Variants in C6 observed in about 807,000 individuals in gnomAD.
The protein encoded by C6 is complement component C6.
Under a neutral mutation model 112.9 loss-of-function variants are expected in C6, and 101 were observed. That is an observed-to-expected ratio of 0.89 (90% CI 0.76 to 1.06). C6 has a LOEUF of 1.06. C6 is among the 50% of genes least tolerant of loss of function. The pLI, the probability that C6 is intolerant of heterozygous loss-of-function variation, is 0.00. For synonymous variants in C6, 431 were observed against 384.1 expected, an observed-to-expected ratio of 1.12 and a Z score of -1.43; for missense variants, 1,202 against 1,104.6, an observed-to-expected ratio of 1.09 and a Z score of -1.25.
chr5:41,214,535 G>T (rs1418192149), upstream of C6, among the ~76,000 whole-genome samples: 1 of 152,104 alleles, frequency 6.6e-6, no homozygotes, highest in East Asian at 1.9e-4. Context: ...AGATTTTAAA[G>T]ATTGAAATTT....
chr5:41,214,227 A>T (rs1428929208), upstream of C6, among the ~76,000 whole-genome samples: 1 of 152,190 alleles, frequency 6.6e-6, no homozygotes, highest in Non-Finnish European at 1.5e-5. Flanking sequence ...ATAAATCACT[A>T]TACCTCATTG....
At chr5:41,203,467 G>A in intron 1 of C6, 3 of 501,326 alleles carry the variant, frequency 6.0e-6, no homozygotes, top group Non-Finnish European at 1.1e-5. Context: ...ACAACCTCCA[G>A]TACTAGTAAG....
intron 12 of C6, 39 bp downstream of exon 12, chr5:41,159,043 G>T: frequency 6.2e-7 from 1 of 1,607,028 alleles, no homozygotes; most frequent in Non-Finnish European, 8.5e-7. Context: ...TTGAGAGTTA[G>T]GGCAAAATGA....
At chr5:41,150,856 A>G in intron 15 of C6, among the ~76,000 whole-genome samples, 1 of 144,634 alleles carries the variant, frequency 6.9e-6, no homozygotes, top group East Asian at 2.0e-4. Flanking sequence ...CACTGCACCC[A>G]GCCTGGGCAA....
chr5:41,167,476 A>T lies in C6; in HGVS notation c.1291+4749T>A, dbSNP rs547872420. 4.1e-4 allele frequency among the ~76,000 whole-genome samples: 63 copies of T among 152,254 alleles called. 1 individual carries two copies. The highest frequency in any genetic ancestry group is 1.4e-3 in the African/African-American group (58 of 41,564). On this transcript the variant is annotated intron_variant, in intron 9 of 17. Coordinates refer to ENST00000337836, the MANE Select transcript of C6 (RefSeq NM_000065.5). ...ATGTGGTAACTAAAATATAGACTTG[A>T]TGGATTCCTTAGTGCAGGCCTAAGA...
chr5:41,150,122 A>G, intron 15 of C6, 97 bp from the exon 16 acceptor site: 1 of 810,794 alleles, frequency 1.2e-6, no homozygotes, highest in Non-Finnish European at 2.2e-6. Flanking sequence ...AAGGATTCAT[A>G]TTTATCTCTT....
At chr5:41,204,094 A>G (rs1398565122) in intron 1 of C6, among the ~76,000 whole-genome samples, 1 of 152,246 alleles carries the variant, frequency 6.6e-6, no homozygotes, top group Non-Finnish European at 1.5e-5. Flanking sequence ...TAATCGTTAT[A>G]TCCCTAATGA....
intron 13 of C6, 120 bp from the exon 14 acceptor site, chr5:41,155,224 TC>T: frequency 1.1e-6 from 1 of 886,096 alleles, no homozygotes; most frequent in South Asian, 1.6e-5. Flanking sequence ...CCAAGTCCTC[TC>T]AATTTCTACT....
chr5:41,239,361 C>T (rs764283071), intron 1 of C6, among the ~76,000 whole-genome samples: 12 of 152,056 alleles, frequency 7.9e-5, no homozygotes, highest in Non-Finnish European at 1.2e-4. Flanking sequence ...ATCCACCTGC[C>T]TCGGCCTCCC....
intron 8 of C6, among the ~76,000 whole-genome samples, chr5:41,173,747 G>A (rs577311828): frequency 1.3e-5 from 2 of 152,242 alleles, no homozygotes; most frequent in African/African-American, 4.8e-5. Flanking sequence ...ATGAGGCTGG[G>A]TAGATGTGAA....
chr5:41,190,047 T>G (rs1750078691), intron 5 of C6, among the ~76,000 whole-genome samples: 1 of 152,226 alleles, frequency 6.6e-6, no homozygotes, highest in African/African-American at 2.4e-5. Context: ...TGTTGGTTAT[T>G]GTGAACAGTG....
chr5:41,172,368 A>G lies in C6; in HGVS notation c.1169-21T>C, dbSNP rs771189189. 12 of 1,612,670 alleles carry G rather than the reference A, an allele frequency of 7.4e-6. No homozygotes were observed. In the South Asian group the frequency reaches 8.8e-5, roughly 12 times the overall value. On this transcript the variant is annotated intron_variant, in intron 8 of 17. Coordinates refer to ENST00000337836, the MANE Select transcript of C6 (RefSeq NM_000065.5). ...TAAACCTAGGAGATGAAGTACAAACAGAAACCACTGAGAATGCACCATTGA... is the reference window on the plus strand; with the variant it reads ...TAAACCTAGGAGATGAAGTACAAACGGAAACCACTGAGAATGCACCATTGA...
chr5:41,230,968 C>A (rs1307262590), intron 1 of C6, among the ~76,000 whole-genome samples: 1 of 152,158 alleles, frequency 6.6e-6, no homozygotes, highest in South Asian at 2.1e-4. Flanking sequence ...ACCACTTTAT[C>A]ATACAATAAA....
chr5:41,143,376 C>T (rs1206714627), intron 17 of C6, among the ~76,000 whole-genome samples: 2 of 152,200 alleles, frequency 1.3e-5, no homozygotes, highest in African/African-American at 4.8e-5. Context: ...CTCCCTTTTA[C>T]TCACTGCCTA....
chr5:41,181,636 GATTT>G, intron 6 of C6, 77 bp from the exon 7 acceptor site: 11 of 1,202,554 alleles, frequency 9.1e-6, no homozygotes, highest in Non-Finnish European at 1.3e-5. Context: ...ATGAAATGAT[GATTT>G]ATTTATTTAT....
chr5:41,181,703 T>A (rs2150323903), intron 6 of C6, 144 bp from the exon 7 acceptor site: 1 of 722,420 alleles, frequency 1.4e-6, no homozygotes, highest in East Asian at 2.7e-5. Context: ...CAAAGAATAG[T>A]GTTATTTCCT....
intron 9 of C6, among the ~76,000 whole-genome samples, chr5:41,165,612 T>G (rs1342849647): frequency 6.6e-6 from 1 of 152,160 alleles, no homozygotes; most frequent in African/African-American, 2.4e-5. Flanking sequence ...CAACTACAAT[T>G]TTCCTATATT....
intron 1 of C6, among the ~76,000 whole-genome samples, chr5:41,220,610 C>T (rs1739106655): frequency 6.6e-6 from 1 of 151,976 alleles, no homozygotes; most frequent in African/African-American, 2.4e-5. Flanking sequence ...AGTCATATCT[C>T]ATTTTGGTTT....
intron 8 of C6, among the ~76,000 whole-genome samples, chr5:41,175,024 C>T (rs142720128): frequency 2.6e-4 from 39 of 152,226 alleles, no homozygotes; most frequent in African/African-American, 8.2e-4. Flanking sequence ...ACAAGAATAT[C>T]GAATACATCT....
Sources: allele counts gnomAD v4.1 joint callset (sites outside exome capture counted in the v4.1 genomes callset), GRCh38; gene constraint gnomAD v4.1.1; transcripts MANE v1.5; gene names NCBI Gene and HGNC (gene_info 2026-07-23, HGNC 2026-07-21).